MYCBP2: variants seen among roughly 807,000 people sequenced by gnomAD.
The protein encoded by MYCBP2 is MYC binding protein 2, also known as E3 ubiquitin-protein ligase MYCBP2.
MYCBP2 carries 120 observed loss-of-function variants against 525.3 expected under a neutral mutation model. That is an observed-to-expected ratio of 0.23 (90% CI 0.20 to 0.27). The LOEUF is 0.27. Ranked by LOEUF, MYCBP2 falls within the 10% of genes least tolerant of loss-of-function variation. The pLI is 1.00. For missense variants in MYCBP2, 4,149 were observed against 5,657.1 expected, an observed-to-expected ratio of 0.73 and a Z score of 8.55; for synonymous variants, 1,894 against 1,955.8, an observed-to-expected ratio of 0.97 and a Z score of 0.83.
chr13:77,291,991 T>TA (rs2077528392), intron 2 of MYCBP2, among the ~76,000 whole-genome samples: 1 of 152,202 alleles, frequency 6.6e-6, no homozygotes, highest in South Asian at 2.1e-4. Context: ...TCCTGGCCTG[T>TA]CAGACTGCTC....
chr13:77,162,541 T>A (rs1340738178), intron 43 of MYCBP2, among the ~76,000 whole-genome samples: 1 of 152,192 alleles, frequency 6.6e-6, no homozygotes, highest in East Asian at 1.9e-4. Context: ...TCTAAACCTC[T>A]AACCAGTGCC....
chr13:77,064,895 C>T (rs185364316), intron 72 of MYCBP2, among the ~76,000 whole-genome samples, 161 bp from the exon 73 acceptor site: 148 of 152,080 alleles, frequency 9.7e-4, no homozygotes, highest in African/African-American at 3.4e-3. Flanking sequence ...AAAATTTCTT[C>T]GTGATCCTAT....
At chr13:77,062,039 T>TA (rs2039395085) in intron 74 of MYCBP2, among the ~76,000 whole-genome samples, 1 of 152,246 alleles carries the variant, frequency 6.6e-6, no homozygotes, top group Admixed American at 6.5e-5. Context: ...CTTTGTTACT[T>TA]AGAGACTTAA....
Position 77,225,534 on chromosome 13 carries a change from C to G in MYCBP2, c.2758G>C (p.Glu920Gln). 1 of 1,613,522 alleles carries G rather than the reference C, an allele frequency of 6.2e-7. No individual in the cohort carries two copies. Among genetic ancestry groups the G allele is most frequent in the Non-Finnish European group, 8.5e-7 (1 of 1,179,650 alleles). Reference protein sequence around the residue: ...KHKDGSGERGEKDASKITTYP... With the variant: ...KHKDGSGERGQKDASKITTYP... The stretch of plus-strand genomic sequence containing the variant: ...GTTGTGATTTTGCTTGCATCCTTTT[C>G]GCCTCTTTCTCCACTTCCATCTGCA... The change falls in exon 19 of 83, where the codon GAA (glutamate) becomes CAA (glutamine). Residue 920 changes from glutamate to glutamine, a missense_variant. By Grantham distance (29) the Glu-to-Gln change is conservative. This residue lies in a region of MYCBP2 where 620 missense variants were observed against 795.5 expected (regional missense o/e 0.78). Transcript: ENST00000544440.
chr13:77,057,442 A>G (rs986896042), intron 78 of MYCBP2, among the ~76,000 whole-genome samples: 1 of 152,222 alleles, frequency 6.6e-6, no homozygotes, highest in Non-Finnish European at 1.5e-5. Flanking sequence ...TTTGGAGACT[A>G]TTATTATCTT....
In MYCBP2 at chr13:77,326,864, G is replaced by T. The variant is rs902424277; in HGVS notation, c.-89C>A. On this transcript the variant is annotated 5_prime_UTR_variant, in exon 1 of 83. Transcript: ENST00000544440. The surrounding 1 kb of genome is among the most constrained non-coding windows in gnomAD (Gnocchi z 4.2). ...GCACACACAGCCCTTTTCCAACGAC[G>T]ACGGCTCCGGCGGCGGCCTCTGGCT... 3.4e-5 allele frequency: 43 copies of T among 1,257,462 alleles called. No homozygotes were observed. Among genetic ancestry groups the T allele is most frequent in the South Asian group, 4.5e-5 (2 of 44,930 alleles). 77.9% of individuals were successfully genotyped at this position (1,257,462 alleles called of 1,614,324 possible).
At chr13:77,233,128 C>T in intron 18 of MYCBP2, 28 bp downstream of exon 18, 1 of 1,582,886 alleles carries the variant, frequency 6.3e-7, no homozygotes, top group South Asian at 1.1e-5. Flanking sequence ...GAAAGTATCC[C>T]ACCTAGGTGA....
At chr13:77,169,230 A>G (rs1243318029) in intron 39 of MYCBP2, among the ~76,000 whole-genome samples, 1 of 152,048 alleles carries the variant, frequency 6.6e-6, no homozygotes, top group Non-Finnish European at 1.5e-5. Flanking sequence ...CCCCGTCTCT[A>G]CTAAAAATAC....
At chr13:77,306,150 T>TTTGTGGGATG (rs2079390208) in intron 1 of MYCBP2, among the ~76,000 whole-genome samples, 1 of 152,104 alleles carries the variant, frequency 6.6e-6, no homozygotes, top group African/African-American at 2.4e-5. Context: ...AAATAAAGAA[T>TTTGTGGGATG]TAACAAGGGA....
intron 10 of MYCBP2, among the ~76,000 whole-genome samples, chr13:77,262,820 T>C (rs1031188634): frequency 6.6e-5 from 10 of 152,036 alleles, no homozygotes; most frequent in African/African-American, 2.4e-4. Context: ...CTAACTAGTT[T>C]ATGGGCTTTA....
chr13:77,206,504 A>G (rs565110103), intron 24 of MYCBP2, 149 bp downstream of exon 24: 1 of 682,126 alleles, frequency 1.5e-6, no homozygotes, highest in South Asian at 4.1e-5. Context: ...TTTCTGTGGA[A>G]TTAGCCTCTT....
At chr13:77,050,620 T>C (rs1005732853) in intron 82 of MYCBP2, among the ~76,000 whole-genome samples, 5 of 152,036 alleles carry the variant, frequency 3.3e-5, no homozygotes, top group African/African-American at 1.2e-4. Flanking sequence ...AATCACTTGG[T>C]TCATTTTATG....
intron 78 of MYCBP2, among the ~76,000 whole-genome samples, 185 bp from the exon 79 acceptor site, chr13:77,057,278 G>C (rs1310289902): frequency 6.6e-6 from 1 of 152,174 alleles, no homozygotes; most frequent in Admixed American, 6.5e-5. Flanking sequence ...TTTCATTACA[G>C]TAAATTGGGA....
chr13:77,093,300 T>A lies in MYCBP2; in HGVS notation c.10232A>T (p.Asp3411Val). Residue 3411 changes from aspartate (D) to valine (V), a missense_variant, in exon 59 of 83, where the codon GAT (aspartate) becomes GTT (valine). Coordinates refer to ENST00000544440, the MANE Select transcript of MYCBP2 (RefSeq NM_015057.5). Reference sequence around the variant, plus strand: ...CATTTCATCCTGGAATAGATTGTCATCTTGATAGCCCACAAAATTTTCATG... The same window carrying A: ...CATTTCATCCTGGAATAGATTGTCAACTTGATAGCCCACAAAATTTTCATG... ...HHHENFVGYQ[D>V]DNLFQDEMRY... is the part of the protein sequence containing the mutation. The A allele has an allele frequency of 6.2e-7, 1 of 1,613,376 alleles. No individual in the cohort carries two copies. Among genetic ancestry groups the A allele is most frequent in the Non-Finnish European group, 8.5e-7 (1 of 1,179,546 alleles).
At chr13:77,171,345 A>T in intron 38 of MYCBP2, 147 bp downstream of exon 38, 1 of 695,630 alleles carries the variant, frequency 1.4e-6, no homozygotes, top group Non-Finnish European at 2.4e-6. Context: ...AGTGTGACCT[A>T]TCCAAAATTA....
intron 66 of MYCBP2, chr13:77,078,065 AC>A (rs1341301204): frequency 6.6e-6 from 1 of 152,206 alleles, no homozygotes; most frequent in African/African-American, 2.4e-5. Flanking sequence ...ATTTAAATAG[AC>A]ATTAAGTTGA....
At chr13:77,242,678 T>C (rs1439806855) in intron 17 of MYCBP2, among the ~76,000 whole-genome samples, 2 of 152,174 alleles carry the variant, frequency 1.3e-5, no homozygotes, top group African/African-American at 4.8e-5. Flanking sequence ...AAATTGAATT[T>C]TGTTCCACGG....
intron 82 of MYCBP2, among the ~76,000 whole-genome samples, chr13:77,049,291 C>T (rs529444870): frequency 2.0e-5 from 3 of 151,734 alleles, no homozygotes; most frequent in African/African-American, 7.3e-5. Context: ...CCTGCTACTT[C>T]TATTAAAAAA....
At chr13:77,293,404 T>C (rs1012159691) in intron 2 of MYCBP2, among the ~76,000 whole-genome samples, 7 of 152,200 alleles carry the variant, frequency 4.6e-5, no homozygotes, top group African/African-American at 1.7e-4. Context: ...CACATGGAAC[T>C]CACCTTAAGG....
Sources: gnomAD v4.1 joint callset for allele counts (sites outside exome capture counted in the v4.1 genomes callset) on GRCh38, gnomAD v4.1.1 for gene constraint, gnomAD v4.1.1 regional missense constraint, Gnocchi (gnomAD v3.1) non-coding constraint, MANE v1.5 for transcripts, NCBI Gene and HGNC (gene_info 2026-07-23, HGNC 2026-07-21) for gene names.